The following ATP5PF variants were observed in gnomAD, a reference collection of about 807,000 sequenced individuals.
ATP5PF encodes the protein ATP synthase peripheral stalk subunit F6, mitochondrial.
A neutral mutation model predicts 12.0 loss-of-function variants in ATP5PF; 7 were observed. The ratio of observed to expected loss-of-function variants is 0.58; its 90% CI spans 0.33 to 1.10. The LOEUF is 1.10. Among genes scored for constraint, ATP5PF ranks in the 50% least tolerant of loss-of-function variants. The pLI, the probability that ATP5PF is intolerant of heterozygous loss-of-function variation, is 0.03. For synonymous variants in ATP5PF, 41 were observed against 45.4 expected, an observed-to-expected ratio of 0.90 and a Z score of 0.39; for missense variants, 120 against 127.7, an observed-to-expected ratio of 0.94 and a Z score of 0.29.
intron 1 of ATP5PF, among the ~76,000 whole-genome samples, chr21:25,732,086 C>T (rs73338270): frequency 6.6e-6 from 1 of 152,072 alleles, no homozygotes. Context: ...ACTGTAGAGT[C>T]GCACAATAGT....
In ATP5PF at chr21:25,732,985, C is replaced by CAAAA. The variant is rs370858284; in HGVS notation, c.-8+1864_-8+1867dup. ...GGGCAACAAGAGTGAAACTCTGTCT[C>CAAAA]AAAAAAAAAAAAAAAAAAAAAAAAA... On this transcript the variant is annotated intron_variant, in intron 1 of 3. Transcript: ENST00000284971. Among the ~76,000 whole-genome samples the CAAAA allele has an allele frequency of 3.1e-3, 147 of 47,804 alleles. 22 individuals carry two copies. Among genetic ancestry groups the CAAAA allele is most frequent in the African/African-American group, 9.4e-3 (113 of 11,972 alleles). 31.4% of individuals were successfully genotyped at this position (47,804 alleles called of 152,430 possible). A position where few individuals can be genotyped will look rare whatever the true frequency, so the allele number is the denominator to read the frequency against.
chr21:25,725,399 A>G, intron 2 of ATP5PF, 49 bp from the exon 3 acceptor site: 2 of 1,502,256 alleles, frequency 1.3e-6, no homozygotes, highest in South Asian at 2.6e-5. Flanking sequence ...ACTAGCTTAC[A>G]AAAACAAAAT....
intron 1 of ATP5PF, among the ~76,000 whole-genome samples, chr21:25,732,020 A>T (rs1384623148): frequency 6.6e-6 from 1 of 152,098 alleles, no homozygotes; most frequent in East Asian, 1.9e-4. Context: ...TGTCCACAGG[A>T]GTGGGTGTGA....
At chr21:25,734,919 C>T (rs775956143), upstream of ATP5PF, 5 of 1,569,730 alleles carry the variant, frequency 3.2e-6, no homozygotes, top group South Asian at 3.5e-5. Context: ...CCGGCCCTGG[C>T]TCCGCCCCCA....
chr21:25,735,054 G>T, upstream of ATP5PF: 1 of 1,273,004 alleles, frequency 7.9e-7, no homozygotes, highest in Non-Finnish European at 1.1e-6. Context: ...AAGCCAAACA[G>T]GAGGAGGAAG....
intron 2 of ATP5PF, 67 bp from the exon 3 acceptor site, chr21:25,725,417 C>T (rs2123437875): frequency 7.0e-7 from 1 of 1,432,990 alleles, no homozygotes; most frequent in East Asian, 2.5e-5. Context: ...AATTACTTTT[C>T]ACCACCACAT....
chr21:25,733,029 T>C (rs2034840906), intron 1 of ATP5PF, among the ~76,000 whole-genome samples: 1 of 121,996 alleles, frequency 8.2e-6, no homozygotes, highest in Admixed American at 8.3e-5. Context: ...CTACTATCAA[T>C]GCAATCAACA....
upstream of ATP5PF, chr21:25,735,060 GGAA>G: frequency 8.5e-7 from 1 of 1,180,974 alleles, no homozygotes. Flanking sequence ...AACAGGAGGA[GGAA>G]GTGGAGGGTA....
At chr21:25,727,499 CAT>C (rs2034648489) in intron 2 of ATP5PF, among the ~76,000 whole-genome samples, 1 of 152,190 alleles carries the variant, frequency 6.6e-6, no homozygotes, top group Non-Finnish European at 1.5e-5. Context: ...CCTCCTTTTA[CAT>C]ATGAGAAAAC....
At chr21:25,733,583 CAAA>C (rs71649634) in intron 1 of ATP5PF, among the ~76,000 whole-genome samples, 1 of 146,794 alleles carries the variant, frequency 6.8e-6, no homozygotes, top group African/African-American at 2.5e-5. Context: ...CACATATATG[CAAA>C]AAAAAAAATT....
At chr21:25,730,206 C>T (rs1297677519) in intron 1 of ATP5PF, among the ~76,000 whole-genome samples, 2 of 152,212 alleles carry the variant, frequency 1.3e-5, no homozygotes, top group Non-Finnish European at 2.9e-5. Flanking sequence ...CCGGGCATGA[C>T]AACCTGAAAA....
At chr21:25,725,693 C>T (rs1017820963) in intron 2 of ATP5PF, among the ~76,000 whole-genome samples, 1 of 152,206 alleles carries the variant, frequency 6.6e-6, no homozygotes, top group Non-Finnish European at 1.5e-5. Flanking sequence ...CCGCCTCGGC[C>T]TCCCATAAGT....
intron 2 of ATP5PF, among the ~76,000 whole-genome samples, chr21:25,728,807 T>A (rs2034682372): frequency 6.6e-6 from 1 of 152,220 alleles, no homozygotes; most frequent in African/African-American, 2.4e-5. Context: ...TTTCCCTACC[T>A]TAGCACCTAA....
chr21:25,726,747 T>C (rs1205147270), intron 2 of ATP5PF, among the ~76,000 whole-genome samples: 2 of 152,258 alleles, frequency 1.3e-5, no homozygotes, highest in Non-Finnish European at 2.9e-5. Flanking sequence ...GAAATTCTTC[T>C]GTTTTTGTCA....
intron 2 of ATP5PF, among the ~76,000 whole-genome samples, chr21:25,728,039 C>T (rs899514039): frequency 2.8e-4 from 42 of 152,224 alleles, no homozygotes; most frequent in African/African-American, 9.6e-4. Flanking sequence ...CCTCTTCTTC[C>T]TCTCCAGCAG....
Position 25,725,307 on chromosome 21 carries a change from C to T in ATP5PF, c.208G>A (p.Glu70Lys), listed in dbSNP as rs972113247. Residue 70 changes from glutamate (E) to lysine (K), a missense_variant, in exon 3 of 4, where the codon GAG becomes AAG. By Grantham distance (56) the Glu-to-Lys change is moderately conservative. Transcript: ENST00000284971. ...PVDASSEYQQ[E>K]LERELFKLKQ... The stretch of plus-strand genomic sequence containing the variant: ...AGCTTAAAAAGCTCCCTCTCCAGCT[C>T]TTGCTGATACTCTGAACTAGCATCA... 1.2e-6 allele frequency: 2 copies of T among 1,612,712 alleles called. No homozygotes were observed. The highest frequency in any genetic ancestry group is 1.7e-6 in the Non-Finnish European group (2 of 1,179,942).
chr21:25,725,210 G>C lies in ATP5PF; in HGVS notation c.289+16C>G, dbSNP rs1268085507. The C allele has an allele frequency of 1.9e-6, 3 of 1,593,750 alleles. No homozygotes were observed. Among genetic ancestry groups the C allele is most frequent in the Non-Finnish European group, 2.6e-6 (3 of 1,173,906 alleles). On this transcript the variant is annotated intron_variant, in intron 3 of 3. Transcript: ENST00000284971. ...TTATCCCCCACAAGAATGAATCTGT[G>C]ATTTATAAGACGTACCTTCAAATTT...
intron 1 of ATP5PF, among the ~76,000 whole-genome samples, chr21:25,730,736 C>CAAAAAAAAAAAAAAAAAAAAAAAAAAAA (rs71183508): frequency 1.9e-4 from 6 of 31,894 alleles, no homozygotes; most frequent in Non-Finnish European, 4.2e-4. Context: ...CTCCGTCTCA[C>CAAAAAAAAAAAAAAAAAAAAAAAAAAAA]AAAAAAAAAA....
At chr21:25,730,759 A>C (rs2034748878) in intron 1 of ATP5PF, among the ~76,000 whole-genome samples, 1 of 143,716 alleles carries the variant, frequency 7.0e-6, no homozygotes, top group African/African-American at 2.6e-5. Context: ...AAAAAAAAAA[A>C]AAAAAAAAAA....
Sources: gnomAD v4.1 joint callset for allele counts (sites outside exome capture counted in the v4.1 genomes callset) on GRCh38, gnomAD v4.1.1 for gene constraint, MANE v1.5 for transcripts, NCBI Gene and HGNC (gene_info 2026-07-23, HGNC 2026-07-21) for gene names.